The following CDYL variants were observed in gnomAD, a reference collection of about 807,000 sequenced individuals.
CDYL encodes chromodomain Y-like protein.
In CDYL, 8 loss-of-function variants were observed where a neutral mutation model predicts 47.3. The ratio of observed to expected loss-of-function variants is 0.17; its 90% CI spans 0.10 to 0.31. CDYL has a LOEUF of 0.31. Ranked by LOEUF, CDYL falls within the 10% of genes least tolerant of loss-of-function variation. CDYL has a pLI of 1.00. For missense variants in CDYL, 471 were observed against 701.4 expected (o/e 0.67, Z 3.71); for synonymous variants, 266 against 265.0 (o/e 1.00, Z -0.04).
At chr6:4,775,892 C>T (rs1247244938), upstream of CDYL, among the ~76,000 whole-genome samples, 1 of 150,466 alleles carries the variant, frequency 6.6e-6, no homozygotes, top group African/African-American at 2.4e-5. This position sits in a 1 kb window ranked among gnomAD's most constrained non-coding sequence, Gnocchi z 7.0. Context: ...GAGGGAGGCG[C>T]GCGGTAGACG....
At position 4,734,907 on chromosome 6, in the gene CDYL, G is replaced by A. The variant is rs576534761; in HGVS notation, c.186+63G>A. On this transcript the variant is annotated intron_variant, in intron 3 of 8. Transcript: ENST00000328908. ...CATCTGGCAAGGAAGAGCCCATAGG[G>A]GAATCGCCCCACACCACACTCTCCC... 6 of 1,602,726 alleles carry A rather than the reference G, an allele frequency of 3.7e-6. No individual in the cohort carries two copies. In the African/African-American group the frequency reaches 4.0e-5, roughly 11 times the overall value.
intron 2 of CDYL, among the ~76,000 whole-genome samples, chr6:4,731,371 G>A: frequency 6.6e-6 from 1 of 152,124 alleles, no homozygotes; most frequent in East Asian, 1.9e-4. Flanking sequence ...TACCTAAATA[G>A]CCAGCATGCC....
chr6:4,721,072 AT>A (rs1337472895), intron 2 of CDYL, among the ~76,000 whole-genome samples: 1 of 148,266 alleles, frequency 6.7e-6, no homozygotes, highest in Non-Finnish European at 1.5e-5. Context: ...ATACCAATAA[AT>A]AGTAACACAG....
intron 5 of CDYL, among the ~76,000 whole-genome samples, chr6:4,945,555 A>T (rs1028667248): frequency 6.6e-6 from 1 of 152,250 alleles, no homozygotes; most frequent in East Asian, 1.9e-4. Flanking sequence ...TGCCCAGCTC[A>T]GAGTTGCTGC....
chr6:4,935,846 G>A, intron 3 of CDYL, 75 bp downstream of exon 3: 1 of 1,585,552 alleles, frequency 6.3e-7, no homozygotes, highest in East Asian at 2.2e-5. Flanking sequence ...TGGCTGAACT[G>A]GCTCTTCCTG....
intron 3 of CDYL, among the ~76,000 whole-genome samples, chr6:4,767,588 G>A (rs572982993): frequency 4.7e-4 from 71 of 150,776 alleles, no homozygotes; most frequent in African/African-American, 1.4e-3. Flanking sequence ...GAGGAGAGGC[G>A]AGATGAGGGG....
chr6:4,870,794 T>C (rs1440719031), intron 1 of CDYL, among the ~76,000 whole-genome samples: 2 of 152,204 alleles, frequency 1.3e-5, no homozygotes, highest in African/African-American at 2.4e-5. Context: ...GAGTCCATCA[T>C]TGGATTTTTA....
At chr6:4,905,244 A>G (rs1757195360) in intron 2 of CDYL, among the ~76,000 whole-genome samples, 3 of 152,106 alleles carry the variant, frequency 2.0e-5, no homozygotes, top group South Asian at 2.1e-4. Flanking sequence ...TCCAGCCTGA[A>G]TAGGAATGTT....
intron 3 of CDYL, among the ~76,000 whole-genome samples, chr6:4,735,812 A>G (rs1453930994): frequency 6.6e-6 from 1 of 152,082 alleles, no homozygotes; most frequent in East Asian, 1.9e-4. Context: ...GTGCACCCCC[A>G]TGAAACTATC....
chr6:4,772,771 T>C (rs1162749145), upstream of CDYL, among the ~76,000 whole-genome samples: 2 of 152,224 alleles, frequency 1.3e-5, no homozygotes, highest in Non-Finnish European at 2.9e-5. Flanking sequence ...GGATAGAATA[T>C]GCTTTGGGGG....
At chr6:4,734,067 T>A (rs1299321273) in intron 2 of CDYL, among the ~76,000 whole-genome samples, 2 of 152,142 alleles carry the variant, frequency 1.3e-5, no homozygotes, top group African/African-American at 4.8e-5. Flanking sequence ...CTCGAATTCC[T>A]GGCCTCAGGT....
chr6:4,815,673 C>CTTTTTTTTTTTTT (rs35346944), intron 1 of CDYL, among the ~76,000 whole-genome samples: 2 of 113,656 alleles, frequency 1.8e-5, no homozygotes, highest in Non-Finnish European at 3.7e-5. Flanking sequence ...TGAGATTTCA[C>CTTTTTTTTTTTTT]TTTTTTTTTT....
At chr6:4,943,153 G>A (rs146551746) in intron 4 of CDYL, among the ~76,000 whole-genome samples, 2 of 152,310 alleles carry the variant, frequency 1.3e-5, no homozygotes, top group East Asian at 3.9e-4. Flanking sequence ...CTCTGTGACA[G>A]CTTCTTGATT....
intron 2 of CDYL, among the ~76,000 whole-genome samples, chr6:4,730,269 C>T (rs185586216): frequency 3.3e-5 from 5 of 152,248 alleles, no homozygotes; most frequent in Admixed American, 2.6e-4. Flanking sequence ...GGAGGCAAAG[C>T]GTAACGGTTC....
At chr6:4,949,160 C>G in intron 5 of CDYL, among the ~76,000 whole-genome samples, 1 of 152,256 alleles carries the variant, frequency 6.6e-6, no homozygotes, top group East Asian at 1.9e-4. Flanking sequence ...GTTTAGCCTT[C>G]CTGGTGCCCA....
intron 1 of CDYL, among the ~76,000 whole-genome samples, chr6:4,799,558 A>T (rs1487492547): frequency 6.6e-6 from 1 of 151,792 alleles, no homozygotes; most frequent in Non-Finnish European, 1.5e-5. Context: ...TGATCCTCTC[A>T]CCTCAGCCTC....
chr6:4,754,687 C>T (rs1365617757), intron 3 of CDYL, among the ~76,000 whole-genome samples: 1 of 152,176 alleles, frequency 6.6e-6, no homozygotes. Flanking sequence ...TAGCACTGCT[C>T]TGATTGGTAC....
At chr6:4,886,820 T>A (rs1043852060) in intron 1 of CDYL, among the ~76,000 whole-genome samples, 3 of 152,260 alleles carry the variant, frequency 2.0e-5, no homozygotes, top group Admixed American at 6.5e-5. Flanking sequence ...TATATTCTTT[T>A]AAGAATTTTA....
At chr6:4,904,632 G>T (rs1240941769) in intron 2 of CDYL, among the ~76,000 whole-genome samples, 1 of 152,110 alleles carries the variant, frequency 6.6e-6, no homozygotes, top group African/African-American at 2.4e-5. Flanking sequence ...TGCTTAAAAA[G>T]AACTTTTTTT....
Sources: allele counts gnomAD v4.1 joint callset (sites outside exome capture counted in the v4.1 genomes callset), GRCh38; gene constraint gnomAD v4.1.1; non-coding constraint Gnocchi (gnomAD v3.1); transcripts MANE v1.5; gene names NCBI Gene and HGNC (gene_info 2026-07-23, HGNC 2026-07-21).